Variants in RNF6 observed in about 807,000 individuals in gnomAD.
RNF6 encodes the protein E3 ubiquitin-protein ligase RNF6.
In RNF6, 21 loss-of-function variants were observed where a neutral mutation model predicts 50.1. That is an observed-to-expected ratio of 0.42 (90% CI 0.30 to 0.60). The LOEUF (loss-of-function observed/expected upper bound fraction) is 0.60, where lower values mean the gene tolerates loss of function less well. Ranked by LOEUF, RNF6 falls within the 20% of genes least tolerant of loss-of-function variation. The pLI is 0.20. For synonymous variants in RNF6, 255 were observed against 291.8 expected (o/e 0.87, Z 1.29); for missense variants, 698 against 838.2 (o/e 0.83, Z 2.07).
chr13:26,191,030 G>T (rs149672261), intron 5 of RNF6, among the ~76,000 whole-genome samples: 192 of 152,258 alleles, frequency 1.3e-3, no homozygotes, highest in African/African-American at 4.5e-3. Context: ...TGTTCAGTAG[G>T]CCAAGTCTCA....
At chr13:26,192,645 T>C (rs1356889138) in intron 5 of RNF6, among the ~76,000 whole-genome samples, 1 of 152,236 alleles carries the variant, frequency 6.6e-6, no homozygotes, top group African/African-American at 2.4e-5. Context: ...TGAAACAGGC[T>C]GCCATTTTGG....
intron 5 of RNF6, among the ~76,000 whole-genome samples, chr13:26,139,102 G>A (rs556956610): frequency 5.0e-4 from 76 of 152,228 alleles, no homozygotes; most frequent in Middle Eastern, 3.4e-3. Context: ...CCCAGGGCTA[G>A]CCAATGCTTA....
chr13:26,204,915 T>C (rs508586), intron 5 of RNF6, among the ~76,000 whole-genome samples: 30,061 of 152,052 alleles, frequency 0.2, 3,191 homozygotes, highest in African/African-American at 0.27. Flanking sequence ...TGAAACCTGC[T>C]TGACTCTCAC....
At chr13:26,135,682 G>A (rs1870611138) in intron 5 of RNF6, 1 of 152,132 alleles carries the variant, frequency 6.6e-6, no homozygotes, top group African/African-American at 2.4e-5. Context: ...TGACTCCTAA[G>A]GTTTGGATGT....
chr13:26,160,198 T>G (rs1383375406), intron 5 of RNF6, among the ~76,000 whole-genome samples: 1 of 152,214 alleles, frequency 6.6e-6, no homozygotes, highest in Non-Finnish European at 1.5e-5. Flanking sequence ...CTACTTAGTA[T>G]CAAAATTGTG....
At chr13:26,140,499 A>G (rs61944946) in intron 5 of RNF6, among the ~76,000 whole-genome samples, 1 of 152,188 alleles carries the variant, frequency 6.6e-6, no homozygotes. Flanking sequence ...ACATACCTCA[A>G]AATAATATGA....
chr13:26,204,345 A>G (rs972513958), intron 5 of RNF6, among the ~76,000 whole-genome samples: 1 of 151,682 alleles, frequency 6.6e-6, no homozygotes, highest in African/African-American at 2.4e-5. Context: ...AAAATACAAA[A>G]AATTAGCCGG....
chr13:26,178,703 T>A (rs1027133554), intron 5 of RNF6, among the ~76,000 whole-genome samples: 24 of 151,556 alleles, frequency 1.6e-4, no homozygotes, highest in Non-Finnish European at 3.1e-4. Context: ...TATTGTTAAC[T>A]ACAGTCATCA....
At chr13:26,172,778 C>T (rs190642789) in intron 5 of RNF6, among the ~76,000 whole-genome samples, 31 of 152,184 alleles carry the variant, frequency 2.0e-4, no homozygotes, top group Admixed American at 1.4e-3. Context: ...CTCCTGACCT[C>T]GTGATCCGCC....
At chr13:26,139,651 T>C (rs745492096) in intron 5 of RNF6, among the ~76,000 whole-genome samples, 5 of 152,230 alleles carry the variant, frequency 3.3e-5, no homozygotes, top group Non-Finnish European at 7.3e-5. Context: ...TTGACATCTT[T>C]ATAATATTGA....
At chr13:26,143,776 G>T (rs1871084626) in intron 5 of RNF6, among the ~76,000 whole-genome samples, 1 of 152,178 alleles carries the variant, frequency 6.6e-6, no homozygotes, top group Non-Finnish European at 1.5e-5. Flanking sequence ...GTCCTTCAGG[G>T]TGGTGGTGAA....
intron 5 of RNF6, among the ~76,000 whole-genome samples, chr13:26,169,422 C>A (rs1213229617): frequency 1.3e-5 from 2 of 152,148 alleles, no homozygotes; most frequent in Non-Finnish European, 2.9e-5. Flanking sequence ...AGAGGAGCTC[C>A]CTGACCAAGG....
At chr13:26,152,398 C>T (rs1871661141) in intron 5 of RNF6, among the ~76,000 whole-genome samples, 1 of 152,194 alleles carries the variant, frequency 6.6e-6, no homozygotes, top group African/African-American at 2.4e-5. Flanking sequence ...TTCTGTAATG[C>T]TTGGCTTAAA....
chr13:26,199,138 A>G (rs1800873182), intron 5 of RNF6, among the ~76,000 whole-genome samples: 3 of 151,066 alleles, frequency 2.0e-5, no homozygotes, highest in Admixed American at 2.0e-4. Context: ...TTAAATGTAT[A>G]TGAAAATGCA....
In RNF6 at chr13:26,215,142, C is replaced by T. The variant is rs140985807; in HGVS notation, c.740G>A (p.Arg247Gln). ...NGIGGAAGIP[R>Q]ANASRTNFSS... ...GAAATTAGTGCGTGAAGCGTTAGCT[C>T]GAGGAATGCCAGCTGCTCCCCCAAT... Residue 247 changes from arginine (R) to glutamine (Q), a missense_variant, in exon 5 of 5, where the codon CGA becomes CAA. Coordinates refer to ENST00000381588, the MANE Select transcript of RNF6 (RefSeq NM_005977.4). The T allele has an allele frequency of 6.8e-6, 11 of 1,614,032 alleles. No individual in the cohort carries two copies. Among genetic ancestry groups the T allele is most frequent in the East Asian group, 2.2e-5 (1 of 44,904 alleles).
chr13:26,144,381 A>ATTTT (rs34266191), intron 5 of RNF6, among the ~76,000 whole-genome samples: 4 of 150,204 alleles, frequency 2.7e-5, no homozygotes, highest in Admixed American at 2.0e-4. Context: ...AAATATCTTC[A>ATTTT]TTTTTTTTTT....
intron 5 of RNF6, among the ~76,000 whole-genome samples, chr13:26,172,229 G>T (rs1246174538): frequency 6.6e-6 from 1 of 151,944 alleles, no homozygotes; most frequent in Non-Finnish European, 1.5e-5. Context: ...ATTGGGAAAA[G>T]AATGGACCAT....
intron 5 of RNF6, among the ~76,000 whole-genome samples, chr13:26,160,527 CTTCTT>C (rs1476598060): frequency 0.011 from 962 of 89,354 alleles, 12 homozygotes; most frequent in African/African-American, 0.033. Context: ...TCCAGCCTAT[CTTCTT>C]CTCTTCTTCT....
intron 4 of RNF6, among the ~76,000 whole-genome samples, chr13:26,215,969 C>T (rs577809435): frequency 6.6e-6 from 1 of 152,276 alleles, no homozygotes; most frequent in Admixed American, 6.5e-5. Flanking sequence ...AATACAAAGA[C>T]AAACTTTATG....
Sources: allele counts gnomAD v4.1 joint callset (sites outside exome capture counted in the v4.1 genomes callset), GRCh38; gene constraint gnomAD v4.1.1; transcripts MANE v1.5; gene names NCBI Gene and HGNC (gene_info 2026-07-23, HGNC 2026-07-21).